The following PRKCB variants were observed in gnomAD, a reference collection of about 807,000 sequenced individuals.
The protein encoded by PRKCB is protein kinase C beta type.
PRKCB carries 13 observed loss-of-function variants against 81.5 expected under a neutral mutation model. The observed-to-expected ratio is 0.16, with a 90% CI of 0.10 to 0.25. The LOEUF is 0.25. Among genes scored for constraint, PRKCB ranks in the 10% least tolerant of loss-of-function variants. PRKCB has a pLI of 1.00. For missense variants in PRKCB, 509 were observed against 875.7 expected, an observed-to-expected ratio of 0.58 and a Z score of 5.29; for synonymous variants, 335 against 321.4, an observed-to-expected ratio of 1.04 and a Z score of -0.45.
intron 2 of PRKCB, among the ~76,000 whole-genome samples, chr16:23,958,832 C>T: frequency 6.6e-6 from 1 of 151,174 alleles, no homozygotes; most frequent in Non-Finnish European, 1.5e-5. Context: ...ATAGACTGAC[C>T]TAGTACCAGG....
chr16:24,040,024 C>T (rs1413351518), intron 5 of PRKCB, among the ~76,000 whole-genome samples: 2 of 152,222 alleles, frequency 1.3e-5, no homozygotes, highest in Non-Finnish European at 1.5e-5. Flanking sequence ...GGATTTTCCA[C>T]TGACCATCAG....
chr16:23,999,305 A>G (rs1965002027), intron 3 of PRKCB, among the ~76,000 whole-genome samples: 1 of 152,182 alleles, frequency 6.6e-6, no homozygotes, highest in African/African-American at 2.4e-5. Flanking sequence ...ACGATAAAGG[A>G]TGTGCTTGGT....
chr16:24,184,898 C>T (rs191584178), intron 13 of PRKCB, among the ~76,000 whole-genome samples: 17 of 152,320 alleles, frequency 1.1e-4, no homozygotes, highest in African/African-American at 4.1e-4. Flanking sequence ...TAACAATACA[C>T]CTTACTTAGT....
Position 24,180,753 on chromosome 16 carries a change from G to A in PRKCB, c.1395-37G>A, listed in dbSNP as rs201735757. 132 of 1,604,896 alleles carry A rather than the reference G, an allele frequency of 8.2e-5. 1 individual carries two copies. Among genetic ancestry groups the A allele is most frequent in the South Asian group, 7.7e-4 (69 of 89,394 alleles). ...TGTTGGTTGGCTTGAAATGCATAGCGTTTAATTAAATCTCTAAATTCTTGT... is the reference window on the plus strand; with the variant it reads ...TGTTGGTTGGCTTGAAATGCATAGCATTTAATTAAATCTCTAAATTCTTGT... On this transcript the variant is annotated intron_variant, in intron 12 of 16. Coordinates refer to ENST00000643927, the MANE Select transcript of PRKCB (RefSeq NM_002738.7).
chr16:23,907,790 A>G (rs988013971), intron 2 of PRKCB, among the ~76,000 whole-genome samples: 2 of 152,166 alleles, frequency 1.3e-5, no homozygotes, highest in Admixed American at 1.3e-4. Context: ...CTAGCCCTAC[A>G]GGTGAATCTT....
At chr16:23,909,125 T>G (rs1963612634) in intron 2 of PRKCB, among the ~76,000 whole-genome samples, 1 of 152,230 alleles carries the variant, frequency 6.6e-6, no homozygotes. Flanking sequence ...CTCTTTTCAC[T>G]TCGAAGTTCA....
At chr16:24,116,386 C>T (rs1966737793) in intron 8 of PRKCB, among the ~76,000 whole-genome samples, 1 of 151,894 alleles carries the variant, frequency 6.6e-6, no homozygotes, top group Admixed American at 6.6e-5. Context: ...GCGACCCTAC[C>T]TCTATTATTA....
intron 6 of PRKCB, 72 bp from the exon 7 acceptor site, chr16:24,094,091 C>A (rs1214795617): frequency 6.6e-7 from 1 of 1,512,102 alleles, no homozygotes; most frequent in Non-Finnish European, 8.9e-7. Context: ...CAGGTCTTGT[C>A]CTCTTGTACA....
At chr16:24,209,707 T>C (rs1440119610) in intron 16 of PRKCB, among the ~76,000 whole-genome samples, 1 of 152,142 alleles carries the variant, frequency 6.6e-6, no homozygotes, top group Non-Finnish European at 1.5e-5. Context: ...CCATCATTCT[T>C]AACTGGATTA....
intron 16 of PRKCB, among the ~76,000 whole-genome samples, chr16:24,211,007 CAAAT>C (rs1000210052): frequency 5.3e-5 from 8 of 152,180 alleles, no homozygotes; most frequent in Middle Eastern, 6.8e-3. Flanking sequence ...AATGAATAAA[CAAAT>C]GAATGAATCT....
intron 10 of PRKCB, among the ~76,000 whole-genome samples, chr16:24,167,507 C>T (rs1176250438): frequency 6.6e-6 from 1 of 151,576 alleles, no homozygotes; most frequent in Non-Finnish European, 1.5e-5. Flanking sequence ...CTGCAGTGAG[C>T]AGAGATCACG....
chr16:24,009,943 C>T lies in PRKCB; in HGVS notation c.288+21353C>T, dbSNP rs139316582. Among the ~76,000 whole-genome samples the T allele has an allele frequency of 2.7e-3, 412 of 152,150 alleles. 3 individuals carry two copies. Among genetic ancestry groups the T allele is most frequent in the African/African-American group, 8.4e-3 (349 of 41,518 alleles). ...GAGGCAGGAGAATCGCTTGAGGTTG[C>T]GGTGAGCCGAGATCATGCTACTGCA... On this transcript the variant is annotated intron_variant, in intron 3 of 16. Transcript: ENST00000643927.
intron 12 of PRKCB, among the ~76,000 whole-genome samples, chr16:24,177,729 T>C (rs1481593445): frequency 1.3e-5 from 2 of 151,704 alleles, no homozygotes; most frequent in Non-Finnish European, 2.9e-5. Flanking sequence ...GAACAAGGGG[T>C]GATGTGTGTG....
At chr16:24,006,449 A>C (rs1965122870) in intron 3 of PRKCB, among the ~76,000 whole-genome samples, 1 of 152,250 alleles carries the variant, frequency 6.6e-6, no homozygotes, top group Admixed American at 6.5e-5. Context: ...AGTAAAGCTC[A>C]ATTGCCAGGC....
At chr16:23,863,660 T>C (rs1567293681) in intron 2 of PRKCB, among the ~76,000 whole-genome samples, 1 of 152,174 alleles carries the variant, frequency 6.6e-6, no homozygotes. Flanking sequence ...TAAATGTAAC[T>C]GTAGCAGCCC....
chr16:23,905,985 A>T (rs974029048), intron 2 of PRKCB, among the ~76,000 whole-genome samples: 3 of 152,142 alleles, frequency 2.0e-5, no homozygotes, highest in African/African-American at 7.2e-5. Flanking sequence ...TGCTGTTGAG[A>T]GTCTTTAGCT....
chr16:24,162,732 G>A (rs911332576), intron 10 of PRKCB, among the ~76,000 whole-genome samples: 4 of 152,064 alleles, frequency 2.6e-5, no homozygotes, highest in Non-Finnish European at 5.9e-5. Flanking sequence ...GGAATTACAG[G>A]CATGAGCCAC....
At chr16:24,085,508 G>C (rs1966301088) in intron 5 of PRKCB, among the ~76,000 whole-genome samples, 1 of 152,178 alleles carries the variant, frequency 6.6e-6, no homozygotes, top group Non-Finnish European at 1.5e-5. Flanking sequence ...TCTATCATTA[G>C]GGTAGTCATA....
intron 2 of PRKCB, among the ~76,000 whole-genome samples, chr16:23,955,765 T>C (rs957786318): frequency 1.3e-5 from 2 of 152,182 alleles, no homozygotes; most frequent in Non-Finnish European, 2.9e-5. Flanking sequence ...TGCCCATGAG[T>C]GACCAGGGGC....
Sources: gnomAD v4.1 joint callset for allele counts (sites outside exome capture counted in the v4.1 genomes callset) on GRCh38, gnomAD v4.1.1 for gene constraint, MANE v1.5 for transcripts, NCBI Gene and HGNC (gene_info 2026-07-23, HGNC 2026-07-21) for gene names.